The following CSTA variants were observed in gnomAD, a reference collection of about 807,000 sequenced individuals.
CSTA encodes the protein cystatin-A.
A neutral mutation model predicts 9.2 loss-of-function variants in CSTA; 9 were observed. The observed-to-expected ratio is 0.97, with a 90% CI of 0.59 to 1.70. The LOEUF (loss-of-function observed/expected upper bound fraction) is 1.70. Among genes scored for constraint, CSTA ranks in the 40% most tolerant of loss-of-function variants. CSTA has a pLI of 0.00. For missense variants in CSTA, 118 were observed against 113.1 expected, an observed-to-expected ratio of 1.04 and a Z score of -0.20; for synonymous variants, 36 against 40.6, an observed-to-expected ratio of 0.89 and a Z score of 0.43.
In CSTA at chr3:122,325,393, A is replaced by T. The variant is rs376628255; in HGVS notation, c.66+35A>T. The T allele has an allele frequency of 2.5e-6, 4 of 1,596,600 alleles. No individual in the cohort carries two copies. In the African/African-American group the frequency reaches 4.0e-5, roughly 16 times the overall value. On this transcript the variant is annotated intron_variant, in intron 1 of 2. Coordinates refer to ENST00000264474, the MANE Select transcript of CSTA (RefSeq NM_005213.4). ...TGCCATTCAGGAAAAAGTCTGAGCC[A>T]AAATCTTGATTCATAAGTTGTCCCT... is the stretch of plus-strand genomic sequence containing the variant.
intron 1 of CSTA, among the ~76,000 whole-genome samples, chr3:122,331,484 C>T (rs1372375658): frequency 6.6e-6 from 1 of 152,126 alleles, no homozygotes; most frequent in African/African-American, 2.4e-5. Flanking sequence ...AGGAGGGTAG[C>T]TTCAAATACT....
rs910922749 is a variant in CSTA, at chr3:122,341,299, G to C, written c.169-140G>C. 5.7e-5 allele frequency: 48 copies of C among 835,640 alleles called. No homozygotes were observed. The Middle Eastern group carries it at 1.1e-3, about 18-fold the overall frequency. 51.8% of individuals were successfully genotyped at this position (835,640 alleles called of 1,614,324 possible). On this transcript the variant is annotated intron_variant, in intron 2 of 2. Coordinates refer to ENST00000264474, the MANE Select transcript of CSTA (RefSeq NM_005213.4). Reference sequence around the variant, plus strand: ...GGATTTATGAATACAAAGAGTCTAAGAATGGTGGACTAGGTCTAGCAATGC... The same window carrying C: ...GGATTTATGAATACAAAGAGTCTAACAATGGTGGACTAGGTCTAGCAATGC...
intron 1 of CSTA, among the ~76,000 whole-genome samples, chr3:122,331,055 GT>G (rs2107665973): frequency 6.6e-6 from 1 of 151,264 alleles, no homozygotes; most frequent in East Asian, 1.9e-4. Flanking sequence ...TTATTTAATT[GT>G]TTTTAGAGGT....
chr3:122,326,808 G>A (rs1026990315), intron 1 of CSTA, among the ~76,000 whole-genome samples: 4 of 152,200 alleles, frequency 2.6e-5, no homozygotes, highest in African/African-American at 9.7e-5. Context: ...CTGATTCAGG[G>A]GACCTGGGGT....
At chr3:122,331,928 A>G (rs886999860) in intron 1 of CSTA, among the ~76,000 whole-genome samples, 1 of 152,140 alleles carries the variant, frequency 6.6e-6, no homozygotes, top group Non-Finnish European at 1.5e-5. Flanking sequence ...AAGCTGTTCC[A>G]CCTCAGATCA....
intron 1 of CSTA, 28 bp downstream of exon 1, chr3:122,325,386 C>T (rs2075165434): frequency 6.2e-7 from 1 of 1,607,980 alleles, no homozygotes; most frequent in Non-Finnish European, 8.5e-7. Flanking sequence ...AGGAAAAAGT[C>T]TGAGCCAAAA....
intron 2 of CSTA, among the ~76,000 whole-genome samples, chr3:122,339,668 C>A (rs2075254715): frequency 6.6e-6 from 1 of 152,188 alleles, no homozygotes; most frequent in African/African-American, 2.4e-5. Context: ...TTCTGGGCAA[C>A]ATAGCAAGAC....
At chr3:122,339,145 G>T (rs2075251123) in intron 2 of CSTA, among the ~76,000 whole-genome samples, 1 of 152,178 alleles carries the variant, frequency 6.6e-6, no homozygotes, top group Non-Finnish European at 1.5e-5. Flanking sequence ...AGAATGGAAG[G>T]ACCACAAGCT....
chr3:122,337,609 T>A lies in CSTA; in HGVS notation c.129T>A (p.Tyr43Ter). ...ACGGAAAATTGGAAGCTGTGCAGTA[T>A]AAAACTCAAGTTGTTGCTGGAACAA... Reference protein sequence around the residue: ...ETYGKLEAVQYKTQVVAGTNY... With the variant: ...ETYGKLEAVQ Residue 43 changes from tyrosine to a stop codon, truncating the protein, a stop_gained, in exon 2 of 3, where the codon TAT becomes TAA. Coordinates refer to ENST00000264474, the MANE Select transcript of CSTA (RefSeq NM_005213.4). LOFTEE classifies it low-confidence loss of function (END_TRUNC). 6.2e-7 allele frequency: 1 copy of A among 1,613,448 alleles called. No individual in the cohort carries two copies. The highest frequency in any genetic ancestry group is 8.5e-7 in the Non-Finnish European group (1 of 1,179,424).
chr3:122,327,421 C>A (rs1327393165), intron 1 of CSTA, among the ~76,000 whole-genome samples: 2 of 148,072 alleles, frequency 1.4e-5, no homozygotes, highest in Non-Finnish European at 3.0e-5. Flanking sequence ...CCCAGCTACT[C>A]GGGAGGCTGA....
chr3:122,340,588 G>A (rs2075260504), intron 2 of CSTA, among the ~76,000 whole-genome samples: 2 of 152,346 alleles, frequency 1.3e-5, no homozygotes, highest in Admixed American at 1.3e-4. Context: ...ATAGGCGTGA[G>A]CCACAGTGCC....
intron 2 of CSTA, among the ~76,000 whole-genome samples, chr3:122,339,497 T>C (rs1185495980): frequency 2.6e-5 from 4 of 152,194 alleles, no homozygotes; most frequent in Non-Finnish European, 5.9e-5. Flanking sequence ...TGAACCCAGA[T>C]AGACTGAGCT....
intron 1 of CSTA, among the ~76,000 whole-genome samples, chr3:122,336,923 G>A (rs2075239761): frequency 6.6e-6 from 1 of 152,048 alleles, no homozygotes; most frequent in South Asian, 2.1e-4. Flanking sequence ...AAAACATCAA[G>A]GCCATGAACA....
At chr3:122,339,651 G>C (rs1271400738) in intron 2 of CSTA, among the ~76,000 whole-genome samples, 1 of 152,204 alleles carries the variant, frequency 6.6e-6, no homozygotes, top group Non-Finnish European at 1.5e-5. Context: ...CCAGGAGTTT[G>C]AGATCATTCT....
In CSTA at chr3:122,341,641, T is replaced by G. The variant is rs2075266594; in HGVS notation, c.*74T>G. 6.5e-7 allele frequency: 1 copy of G among 1,540,146 alleles called. No individual in the cohort carries two copies. Among genetic ancestry groups the G allele is most frequent in the African/African-American group, 1.4e-5 (1 of 73,254 alleles). On this transcript the variant is annotated 3_prime_UTR_variant, in exon 3 of 3. Coordinates refer to ENST00000264474, the MANE Select transcript of CSTA (RefSeq NM_005213.4). ...TGATCCTTGCTGATAAATATAACCA[T>G]CAATAAAGAAGCATTCTTTTCCAAA... is the stretch of plus-strand genomic sequence containing the variant.
At chr3:122,337,860 A>G (rs1195645697) in intron 2 of CSTA, 7 of 560,278 alleles carry the variant, frequency 1.2e-5, no homozygotes. Context: ...TATTACATTG[A>G]TTCTTGATTT....
At chr3:122,340,339 C>G (rs1044022052) in intron 2 of CSTA, among the ~76,000 whole-genome samples, 3 of 151,902 alleles carry the variant, frequency 2.0e-5, no homozygotes, top group African/African-American at 7.3e-5. Context: ...GAGTTTCACT[C>G]TGTCACTCAG....
chr3:122,330,311 TG>T (rs2075196879), intron 1 of CSTA, among the ~76,000 whole-genome samples: 1 of 152,244 alleles, frequency 6.6e-6, no homozygotes, highest in Non-Finnish European at 1.5e-5. Flanking sequence ...CAGCTTTCCT[TG>T]GACTTCTCAG....
chr3:122,336,828 A>G (rs2075239396), intron 1 of CSTA, among the ~76,000 whole-genome samples: 1 of 152,232 alleles, frequency 6.6e-6, no homozygotes, highest in African/African-American at 2.4e-5. Context: ...CTATCCTTAC[A>G]AACATGTATA....
Sources: gnomAD v4.1 joint callset for allele counts (sites outside exome capture counted in the v4.1 genomes callset) on GRCh38, gnomAD v4.1.1 for gene constraint, MANE v1.5 for transcripts, NCBI Gene and HGNC (gene_info 2026-07-23, HGNC 2026-07-21) for gene names.